The following ADAMTS14 variants were observed in gnomAD, a reference collection of about 807,000 sequenced individuals.
The protein encoded by ADAMTS14 is ADAM metallopeptidase with thrombospondin type 1 motif 14, also known as A disintegrin and metalloproteinase with thrombospondin motifs 14.
A neutral mutation model predicts 128.6 loss-of-function variants in ADAMTS14; 100 were observed. The ratio of observed to expected loss-of-function variants is 0.78; its 90% CI spans 0.66 to 0.92. The LOEUF is 0.92. ADAMTS14 is among the 40% of genes least tolerant of loss of function. ADAMTS14 has a pLI of 0.00. For missense variants in ADAMTS14, 1,562 were observed against 1,658.6 expected (o/e 0.94, Z 1.01); for synonymous variants, 665 against 653.8 (o/e 1.02, Z -0.26).
At chr10:70,707,606 G>A (rs892845760) in intron 3 of ADAMTS14, among the ~76,000 whole-genome samples, 1 of 152,136 alleles carries the variant, frequency 6.6e-6, no homozygotes, top group Non-Finnish European at 1.5e-5. Context: ...ACCCTTCTAC[G>A]TGGCGGCATA....
At position 70,751,606 on chromosome 10, in the gene ADAMTS14, G is replaced by A. The variant is rs115166776; in HGVS notation, c.2556G>A (p.Ala852=). 1.5e-4 allele frequency: 247 copies of A among 1,612,656 alleles called. No individual in the cohort carries two copies. In the African/African-American group the frequency reaches 3.0e-3, roughly 20 times the overall value. Residue 852 remains alanine (A), a synonymous_variant, in exon 17 of 22, where the codon GCG becomes GCA. Coordinates refer to ENST00000373207, the MANE Select transcript of ADAMTS14 (RefSeq NM_080722.4). The part of the protein sequence containing the change: ...LLEEMDTYEW[A]LKSWAPCSKA... ...AGGAGATGGACACCTATGAGTGGGC[G>A]CTCAAGAGCTGGGCCCCCTGCAGCA...
chr10:70,709,097 A>G (rs1840758099), intron 4 of ADAMTS14, among the ~76,000 whole-genome samples: 1 of 152,206 alleles, frequency 6.6e-6, no homozygotes, highest in South Asian at 2.1e-4. Flanking sequence ...GCTTGGACAC[A>G]TTCAGAGTCA....
chr10:70,744,870 T>C (rs557501767), intron 14 of ADAMTS14, among the ~76,000 whole-genome samples: 1 of 152,028 alleles, frequency 6.6e-6, no homozygotes, highest in East Asian at 1.9e-4. Flanking sequence ...ATCCCATCAG[T>C]AGCAAGTAGC....
intron 14 of ADAMTS14, among the ~76,000 whole-genome samples, chr10:70,744,932 G>C (rs73278024): frequency 6.6e-6 from 1 of 152,106 alleles, no homozygotes; most frequent in African/African-American, 2.4e-5. Context: ...AAAAAGGGAC[G>C]GGGGGAAGGG....
Position 70,708,720 on chromosome 10 carries a change from T to C in ADAMTS14, c.812T>C (p.Val271Ala). ...GTGCTGCTGGTGGTGGACGACTCGG[T>C]GGTTCGCTTCCATGGCAAGGAGCAT... ...IEVLLVVDDS[V>A]VRFHGKEHVQ... The change falls in exon 4 of 22, where the codon GTG becomes GCG. Residue 271 changes from valine (V) to alanine (A), a missense_variant. Physicochemically the swap from Val to Ala is moderately conservative, Grantham distance 64. Coordinates refer to ENST00000373207, the MANE Select transcript of ADAMTS14 (RefSeq NM_080722.4). 6.2e-7 allele frequency: 1 copy of C among 1,611,830 alleles called. No individual in the cohort carries two copies. Among genetic ancestry groups the C allele is most frequent in the Non-Finnish European group, 8.5e-7 (1 of 1,178,852 alleles).
intron 7 of ADAMTS14, among the ~76,000 whole-genome samples, chr10:70,733,391 A>G (rs1841711338): frequency 6.6e-6 from 1 of 152,176 alleles, no homozygotes; most frequent in Non-Finnish European, 1.5e-5. Flanking sequence ...AGTCTTGGAG[A>G]GGCTCAAGAG....
chr10:70,696,712 C>G (rs1240136945), intron 2 of ADAMTS14, among the ~76,000 whole-genome samples: 1 of 152,136 alleles, frequency 6.6e-6, no homozygotes, highest in African/African-American at 2.4e-5. Context: ...TTAATAATAA[C>G]TGGAGCCAAG....
In ADAMTS14 at chr10:70,672,692, G is replaced by C; in HGVS notation, c.-111G>C. ...GCGGGGAGGCGGCTGAGGCGGCAGCGGCGGCAGCCAGCCGGTGCTCCGACA... is the reference window on the plus strand; with the variant it reads ...GCGGGGAGGCGGCTGAGGCGGCAGCCGCGGCAGCCAGCCGGTGCTCCGACA... On this transcript the variant is annotated 5_prime_UTR_variant, in exon 1 of 22. Coordinates refer to ENST00000373207, the MANE Select transcript of ADAMTS14 (RefSeq NM_080722.4). 8.1e-7 allele frequency: 1 copy of C among 1,228,578 alleles called. No individual in the cohort carries two copies. Among genetic ancestry groups the C allele is most frequent in the Non-Finnish European group, 1.0e-6 (1 of 982,238 alleles). 76.1% of individuals were successfully genotyped at this position (1,228,578 alleles called of 1,614,324 possible).
At chr10:70,758,971 G>A (rs951740017) in intron 21 of ADAMTS14, among the ~76,000 whole-genome samples, 4 of 151,970 alleles carry the variant, frequency 2.6e-5, no homozygotes, top group African/African-American at 9.7e-5. Context: ...CTAGGACCAG[G>A]GTCTGGCAAG....
At chr10:70,733,402 G>A (rs1841711619) in intron 7 of ADAMTS14, among the ~76,000 whole-genome samples, 1 of 152,224 alleles carries the variant, frequency 6.6e-6, no homozygotes, top group Non-Finnish European at 1.5e-5. Flanking sequence ...GGCTCAAGAG[G>A]CAGGCGCTGA....
chr10:70,752,734 T>C (rs1157232939), intron 18 of ADAMTS14, among the ~76,000 whole-genome samples: 3 of 152,180 alleles, frequency 2.0e-5, no homozygotes, highest in African/African-American at 7.2e-5. Flanking sequence ...ATCCTCCTGC[T>C]TCCCCAGGAG....
chr10:70,748,079 G>A (rs897871217), intron 15 of ADAMTS14, among the ~76,000 whole-genome samples: 4 of 152,136 alleles, frequency 2.6e-5, no homozygotes, highest in East Asian at 1.9e-4. Flanking sequence ...TCTCCCATGC[G>A]CTGGGCCATG....
rs548471934 is a variant in ADAMTS14 at position 70,733,796 on chromosome 10, G to A, written c.1209-89G>A. On this transcript the variant is annotated intron_variant, in intron 7 of 21. Transcript: ENST00000373207. ...CGATCTGAGCTCCGGGTCAGGTCAG[G>A]GTCTCCTGCTGCTGGCCTGCCTGCC... The A allele has an allele frequency of 1.1e-4, 167 of 1,513,238 alleles. No individual in the cohort carries two copies. In the African/African-American group the frequency reaches 1.8e-3, roughly 16 times the overall value. 93.7% of individuals were successfully genotyped at this position (1,513,238 alleles called of 1,614,324 possible). A position where few individuals can be genotyped will look rare whatever the true frequency, so the allele number is the denominator to read the frequency against.
chr10:70,735,351 C>G, intron 9 of ADAMTS14, 50 bp downstream of exon 9: 3 of 1,598,504 alleles, frequency 1.9e-6, no homozygotes, highest in Non-Finnish European at 2.6e-6. Flanking sequence ...AGGGCAGTGT[C>G]CTTCTGTGGC....
intron 4 of ADAMTS14, 81 bp downstream of exon 4, chr10:70,708,859 T>G (rs1452021778): frequency 1.8e-6 from 2 of 1,139,750 alleles, no homozygotes; most frequent in Non-Finnish European, 2.4e-6. Context: ...CCAGTGCTGA[T>G]CCAAGTGGAA....
intron 2 of ADAMTS14, among the ~76,000 whole-genome samples, chr10:70,687,976 G>C (rs1326101161): frequency 0.083 from 2,051 of 24,788 alleles, 115 homozygotes; most frequent in East Asian, 0.19. Context: ...CCCCCCCCCC[G>C]ACCTCCCTCC....
At chr10:70,691,010 C>T (rs7082834) in intron 2 of ADAMTS14, among the ~76,000 whole-genome samples, 7,279 of 144,654 alleles carry the variant, frequency 0.05, 952 homozygotes, top group African/African-American at 0.11. Context: ...CCTGGGCACT[C>T]GGGAATGGAA....
chr10:70,743,886 T>G (rs528690162), intron 13 of ADAMTS14, among the ~76,000 whole-genome samples, 180 bp from the exon 14 acceptor site: 12 of 152,288 alleles, frequency 7.9e-5, no homozygotes, highest in Admixed American at 4.6e-4. Context: ...AGAATCCTCA[T>G]CACGCCGGGT....
chr10:70,733,771 C>G (rs187566187), intron 7 of ADAMTS14, 114 bp from the exon 8 acceptor site: 4 of 1,325,450 alleles, frequency 3.0e-6, no homozygotes, highest in Non-Finnish European at 4.1e-6. Context: ...CCAGGAAGAG[C>G]GATCTGAGCT....
Sources: allele counts gnomAD v4.1 joint callset (sites outside exome capture counted in the v4.1 genomes callset), GRCh38; gene constraint gnomAD v4.1.1; transcripts MANE v1.5; gene names NCBI Gene and HGNC (gene_info 2026-07-23, HGNC 2026-07-21).